The following TMTC2 variants were observed in gnomAD, a reference collection of about 807,000 sequenced individuals.
TMTC2 encodes protein O-mannosyl-transferase TMTC2.
Under a neutral mutation model 82.4 loss-of-function variants are expected in TMTC2, and 43 were observed. The ratio of observed to expected loss-of-function variants is 0.52; its 90% CI spans 0.41 to 0.67. The LOEUF (loss-of-function observed/expected upper bound fraction) is 0.67. TMTC2 is among the 30% of genes least tolerant of loss of function. The pLI is 0.00. For missense variants in TMTC2, 919 were observed against 1,012.4 expected (o/e 0.91, Z 1.25); for synonymous variants, 408 against 381.9 (o/e 1.07, Z -0.80).
chr12:83,084,037 C>A (rs565506180), intron 11 of TMTC2, among the ~76,000 whole-genome samples: 9 of 152,280 alleles, frequency 5.9e-5, no homozygotes, highest in African/African-American at 2.2e-4. Flanking sequence ...TGGTTCTCCC[C>A]ATCTCTCTGT....
chr12:82,937,738 G>GTA (rs1555199179), intron 4 of TMTC2, among the ~76,000 whole-genome samples: 29 of 93,466 alleles, frequency 3.1e-4, no homozygotes, highest in Admixed American at 2.5e-3. Context: ...GGATGTGTGT[G>GTA]TGTGTGTGTG....
intron 1 of TMTC2, among the ~76,000 whole-genome samples, chr12:82,715,951 G>A (rs576451028): frequency 1.3e-4 from 20 of 152,074 alleles, no homozygotes; most frequent in African/African-American, 3.9e-4. Flanking sequence ...CCCTCCGCTC[G>A]TATTATCATC....
At chr12:82,898,213 G>A (rs979857244) in intron 3 of TMTC2, among the ~76,000 whole-genome samples, 1 of 152,154 alleles carries the variant, frequency 6.6e-6, no homozygotes, top group South Asian at 2.1e-4. Flanking sequence ...ACTTTTCCTA[G>A]GTGGCGAGTA....
chr12:82,737,307 T>C (rs1396619926), intron 1 of TMTC2, among the ~76,000 whole-genome samples: 1 of 152,196 alleles, frequency 6.6e-6, no homozygotes, highest in East Asian at 1.9e-4. Flanking sequence ...AGCTAAACAG[T>C]CTAACACTTT....
intron 7 of TMTC2, among the ~76,000 whole-genome samples, chr12:82,981,353 C>T (rs1478452934): frequency 2.0e-5 from 3 of 151,794 alleles, no homozygotes; most frequent in Non-Finnish European, 3.0e-5. Flanking sequence ...ACATTCTTTC[C>T]TTAAGGAGTT....
intron 1 of TMTC2, among the ~76,000 whole-genome samples, chr12:82,701,132 G>A (rs150944221): frequency 7.2e-5 from 11 of 152,240 alleles, no homozygotes; most frequent in African/African-American, 2.4e-4. Flanking sequence ...CATACCATAT[G>A]AGAGTATATG....
At chr12:82,732,248 A>G (rs1874855550) in intron 1 of TMTC2, among the ~76,000 whole-genome samples, 1 of 151,974 alleles carries the variant, frequency 6.6e-6, no homozygotes, top group South Asian at 2.1e-4. Flanking sequence ...ATCTTTCTAC[A>G]GATTCTTGTC....
intron 1 of TMTC2, among the ~76,000 whole-genome samples, chr12:82,707,646 C>T (rs1017493736): frequency 6.6e-6 from 1 of 152,178 alleles, no homozygotes; most frequent in African/African-American, 2.4e-5. Flanking sequence ...GATACTTTGT[C>T]TAGGCCAAGG....
intron 11 of TMTC2, among the ~76,000 whole-genome samples, chr12:83,129,053 C>T (rs1490657007): frequency 2.0e-5 from 3 of 152,106 alleles, no homozygotes; most frequent in Non-Finnish European, 4.4e-5. Context: ...TTCCTTCACT[C>T]AAGAAGTTAT....
In TMTC2 at chr12:83,122,622, G is replaced by A. The variant is rs149360271; in HGVS notation, c.2332-9588G>A. 4.1e-4 allele frequency among the ~76,000 whole-genome samples: 63 copies of A among 152,254 alleles called. No individual in the cohort carries two copies. In the East Asian group the frequency reaches 0.011, roughly 27 times the overall value. On this transcript the variant is annotated intron_variant, in intron 11 of 11. Transcript: ENST00000321196. ...CCAGTGGGGGTGTGTGTTCGGGGGC[G>A]GATGACCTCCTTTTCCCACTTCCAC...
chr12:82,934,613 T>G (rs1469098629), intron 4 of TMTC2, among the ~76,000 whole-genome samples: 2 of 152,206 alleles, frequency 1.3e-5, no homozygotes, highest in Non-Finnish European at 2.9e-5. Context: ...CACATTTTCT[T>G]TATCCAGTCT....
intron 1 of TMTC2, among the ~76,000 whole-genome samples, chr12:82,824,960 G>C (rs775764823): frequency 2.6e-5 from 4 of 151,964 alleles, no homozygotes; most frequent in Admixed American, 6.6e-5. Context: ...GTGGTGGCGC[G>C]TGCCTGTTAT....
rs952873516 is a variant in TMTC2, at chr12:82,748,312, G to GA, written c.83+60654dup. 3.8e-3 allele frequency among the ~76,000 whole-genome samples: 547 copies of GA among 145,344 alleles called. 3 individuals carry two copies. The highest frequency in any genetic ancestry group is 0.013 in the African/African-American group (507 of 39,858). ...GGCGACAGAGTGTGACTGTCTCAAA[G>GA]AAAAAAAAAAAGTTTAGAAGTCATT... On this transcript the variant is annotated intron_variant, in intron 1 of 11. Coordinates refer to ENST00000321196, the MANE Select transcript of TMTC2 (RefSeq NM_152588.3).
At chr12:83,030,995 G>C (rs1029834498) in intron 9 of TMTC2, 116 bp downstream of exon 9, 4 of 717,084 alleles carry the variant, frequency 5.6e-6, no homozygotes, top group Non-Finnish European at 9.6e-6. Context: ...TGTTATTGCA[G>C]ATTTAGCCTC....
intron 8 of TMTC2, among the ~76,000 whole-genome samples, chr12:82,997,358 A>ATGTG (rs1879690074): frequency 3.1e-4 from 11 of 35,128 alleles, no homozygotes; most frequent in South Asian, 3.3e-3. Context: ...GTATATATAT[A>ATGTG]TATATATGTG....
chr12:82,781,344 T>A (rs116476261), intron 1 of TMTC2, among the ~76,000 whole-genome samples: 1,546 of 151,922 alleles, frequency 0.01, 30 homozygotes, highest in African/African-American at 0.036. Flanking sequence ...TGTAGTACAT[T>A]TTAAGAAAAG....
At chr12:83,075,497 ATTAG>A (rs1458647858) in intron 11 of TMTC2, among the ~76,000 whole-genome samples, 2 of 152,092 alleles carry the variant, frequency 1.3e-5, no homozygotes, top group African/African-American at 4.8e-5. Flanking sequence ...AAGAGAAGTT[ATTAG>A]TTTTCCCCCA....
intron 3 of TMTC2, among the ~76,000 whole-genome samples, chr12:82,896,893 T>C (rs529396313): frequency 1.6e-4 from 25 of 152,318 alleles, no homozygotes; most frequent in African/African-American, 5.8e-4. Context: ...CCAGAAGAAT[T>C]AGAGCTCCTG....
chr12:82,699,311 C>G (rs937398617), intron 1 of TMTC2, among the ~76,000 whole-genome samples: 1 of 152,140 alleles, frequency 6.6e-6, no homozygotes, highest in Non-Finnish European at 1.5e-5. Context: ...GTTGCTTTTC[C>G]TATGTTTCTA....
Sources: allele counts gnomAD v4.1 joint callset (sites outside exome capture counted in the v4.1 genomes callset), GRCh38; gene constraint gnomAD v4.1.1; transcripts MANE v1.5; gene names NCBI Gene and HGNC (gene_info 2026-07-23, HGNC 2026-07-21).